DRC8: variants seen among roughly 807,000 people sequenced by gnomAD.
The protein encoded by DRC8 is dynein regulatory complex protein 8.
At chr1:245,032,196 G>A in the DRC8 span, among the ~76,000 whole-genome samples, 1 of 152,218 alleles carries the variant, frequency 6.6e-6, no homozygotes, top group South Asian at 2.1e-4. Flanking sequence ...TGAAATGGCT[G>A]TGAAAGGGAG....
chr1:245,033,542 AAG>A, the DRC8 span, among the ~76,000 whole-genome samples: 1 of 152,212 alleles, frequency 6.6e-6, no homozygotes, highest in African/African-American at 2.4e-5. Context: ...AATCTTAAAA[AAG>A]AGTTTGCTCT....
At chr1:245,007,362 C>G in the DRC8 span, among the ~76,000 whole-genome samples, 1 of 151,980 alleles carries the variant, frequency 6.6e-6, no homozygotes, top group Non-Finnish European at 1.5e-5. Flanking sequence ...GAAAAAAATA[C>G]CTATGAGACA....
At chr1:244,979,326 A>T in the DRC8 span, among the ~76,000 whole-genome samples, 1 of 86,258 alleles carries the variant, frequency 1.2e-5, no homozygotes, top group South Asian at 4.1e-4. Flanking sequence ...TTTTTTTGAG[A>T]CGTAGTCTTG....
the DRC8 span, among the ~76,000 whole-genome samples, chr1:245,109,090 G>A: frequency 1.3e-5 from 2 of 152,202 alleles, no homozygotes; most frequent in Non-Finnish European, 2.9e-5. Context: ...GCACGTAACT[G>A]GAGCTGAATC....
chr1:245,082,062 ATTTAC>A, the DRC8 span: 7 of 1,574,870 alleles, frequency 4.4e-6, no homozygotes, highest in Non-Finnish European at 6.1e-6. Context: ...CTAAATGGCT[ATTTAC>A]TTATTGAATG....
the DRC8 span, among the ~76,000 whole-genome samples, chr1:245,113,918 C>T: frequency 1.3e-5 from 2 of 152,160 alleles, no homozygotes; most frequent in African/African-American, 4.8e-5. Context: ...CCCGACTCCA[C>T]GGTCCAAGGC....
At chr1:245,070,835 G>A in the DRC8 span, among the ~76,000 whole-genome samples, 3 of 152,202 alleles carry the variant, frequency 2.0e-5, no homozygotes, top group Non-Finnish European at 2.9e-5. Context: ...TCTTCAGGGG[G>A]CAATTAAGTC....
At chr1:245,044,781 T>C in the DRC8 span, among the ~76,000 whole-genome samples, 1 of 152,008 alleles carries the variant, frequency 6.6e-6, no homozygotes, top group African/African-American at 2.4e-5. Context: ...CATTTCACCA[T>C]GTTGGTCAGG....
chr1:245,096,176 C>T, the DRC8 span, among the ~76,000 whole-genome samples: 1 of 152,342 alleles, frequency 6.6e-6, no homozygotes, highest in South Asian at 2.1e-4. Context: ...CAGACAGAAT[C>T]TGAATTCCAG....
At chr1:245,095,724 AT>A in the DRC8 span, among the ~76,000 whole-genome samples, 1 of 152,204 alleles carries the variant, frequency 6.6e-6, no homozygotes, top group Non-Finnish European at 1.5e-5. Flanking sequence ...AATTTAAATA[AT>A]TTTCAGTTTT....
the DRC8 span, among the ~76,000 whole-genome samples, chr1:245,012,258 A>G: frequency 1.8e-4 from 27 of 152,146 alleles, no homozygotes; most frequent in South Asian, 4.1e-4. Context: ...TATAAATTAT[A>G]AGTTTTACCT....
chr1:245,084,901 C>T, the DRC8 span, among the ~76,000 whole-genome samples: 2 of 152,202 alleles, frequency 1.3e-5, no homozygotes, highest in African/African-American at 2.4e-5. Flanking sequence ...AGAACTCTGA[C>T]GCCATTGTTA....
At chr1:244,986,164 A>G in the DRC8 span, among the ~76,000 whole-genome samples, 1 of 151,622 alleles carries the variant, frequency 6.6e-6, no homozygotes, top group Non-Finnish European at 1.5e-5. Flanking sequence ...CATGTTGGTC[A>G]GGCTGGTCTT....
At chr1:244,974,726 C>T in the DRC8 span, among the ~76,000 whole-genome samples, 1 of 151,404 alleles carries the variant, frequency 6.6e-6, no homozygotes, top group East Asian at 1.9e-4. Flanking sequence ...GGTGGTGCAA[C>T]CTCTGTTGCC....
the DRC8 span, among the ~76,000 whole-genome samples, chr1:245,011,984 G>A: frequency 2.6e-5 from 4 of 152,286 alleles, no homozygotes; most frequent in South Asian, 2.1e-4. Context: ...GGGAGGTCAC[G>A]GGAGGTGGAT....
the DRC8 span, among the ~76,000 whole-genome samples, chr1:245,109,203 A>T: frequency 3.9e-5 from 6 of 152,182 alleles, no homozygotes; most frequent in Non-Finnish European, 7.3e-5. Flanking sequence ...TCATCAGGCA[A>T]TGAGAGGTGT....
the DRC8 span, among the ~76,000 whole-genome samples, chr1:245,105,816 C>T: frequency 2.0e-5 from 3 of 152,134 alleles, no homozygotes; most frequent in Non-Finnish European, 4.4e-5. Flanking sequence ...GTGGCTCACG[C>T]CCATAATCCC....
chr1:245,083,782 C>T, the DRC8 span: 2 of 1,478,636 alleles, frequency 1.4e-6, no homozygotes, highest in Non-Finnish European at 9.0e-7. Context: ...ACTTTAAAAT[C>T]AGTCATTCTG....
At chr1:245,070,562 T>C in the DRC8 span, among the ~76,000 whole-genome samples, 1 of 152,190 alleles carries the variant, frequency 6.6e-6, no homozygotes, top group African/African-American at 2.4e-5. Flanking sequence ...TTGAAGGAGG[T>C]TGTACTTTAG....
Sources: gnomAD v4.1 joint callset for allele counts (sites outside exome capture counted in the v4.1 genomes callset) on GRCh38, gnomAD v4.1.1 for gene constraint, MANE v1.5 for transcripts, NCBI Gene and HGNC (gene_info 2026-07-23, HGNC 2026-07-21) for gene names.